Variants in ZNF385D observed in about 807,000 individuals in gnomAD.
ZNF385D encodes the protein zinc finger protein 385D, also known as zinc finger protein 659.
Under a neutral mutation model 35.8 loss-of-function variants are expected in ZNF385D, and 15 were observed. The ratio of observed to expected loss-of-function variants is 0.42; its 90% CI spans 0.28 to 0.64. ZNF385D has a LOEUF of 0.64. Ranked by LOEUF, ZNF385D falls within the 30% of genes least tolerant of loss-of-function variation. The probability of loss-of-function intolerance (pLI) is 0.23; values close to 1 mark genes in which losing one functional copy is unlikely to be tolerated. For synonymous variants in ZNF385D, 212 were observed against 186.8 expected, an observed-to-expected ratio of 1.13 and a Z score of -1.10; for missense variants, 474 against 494.6, an observed-to-expected ratio of 0.96 and a Z score of 0.39.
intron 2 of ZNF385D, among the ~76,000 whole-genome samples, chr3:22,260,344 T>C (rs1486791094): frequency 6.6e-6 from 1 of 151,782 alleles, no homozygotes; most frequent in African/African-American, 2.4e-5. Flanking sequence ...CCAGGGCCTG[T>C]TGGCAGGTGG....
intron 2 of ZNF385D, among the ~76,000 whole-genome samples, chr3:22,269,040 A>C (rs1701040269): frequency 6.6e-6 from 1 of 151,954 alleles, no homozygotes; most frequent in Non-Finnish European, 1.5e-5. Flanking sequence ...GGAGAAAAGT[A>C]AAGGCCCCAC....
chr3:22,142,915 C>G (rs1704604701), intron 3 of ZNF385D, among the ~76,000 whole-genome samples: 1 of 152,088 alleles, frequency 6.6e-6, no homozygotes, highest in Admixed American at 6.5e-5. Context: ...TCACTATTAA[C>G]AGTCCCAGGA....
intron 2 of ZNF385D, among the ~76,000 whole-genome samples, chr3:22,246,876 G>A (rs972088607): frequency 6.6e-6 from 1 of 152,020 alleles, no homozygotes; most frequent in East Asian, 1.9e-4. Flanking sequence ...AATTCTCAAT[G>A]ATTTTTCAGA....
chr3:21,506,757 T>C (rs1448023696), intron 4 of ZNF385D, among the ~76,000 whole-genome samples: 1 of 152,212 alleles, frequency 6.6e-6, no homozygotes, highest in African/African-American at 2.4e-5. Context: ...TTTTTAAAAA[T>C]ATTACTTTTA....
At chr3:21,688,888 T>G (rs1200933919) in intron 1 of ZNF385D, among the ~76,000 whole-genome samples, 1 of 152,174 alleles carries the variant, frequency 6.6e-6, no homozygotes, top group Non-Finnish European at 1.5e-5. Context: ...GAAATTATTA[T>G]AATGTGCTTG....
chr3:22,014,208 T>A (rs997236076), intron 3 of ZNF385D, among the ~76,000 whole-genome samples: 25 of 136,064 alleles, frequency 1.8e-4, no homozygotes, highest in African/African-American at 6.6e-4. Context: ...GGCTGCTACC[T>A]TTTTTTTTAA....
chr3:21,577,788 G>T (rs1006778943), intron 2 of ZNF385D, among the ~76,000 whole-genome samples: 7 of 149,048 alleles, frequency 4.7e-5, no homozygotes, highest in African/African-American at 1.7e-4. Flanking sequence ...TCATATACTT[G>T]TTGGCCATTT....
rs545021879 is a variant in ZNF385D, at chr3:21,650,724, T to G, written c.165+14162A>C. 2.0e-5 allele frequency among the ~76,000 whole-genome samples: 3 copies of G among 152,270 alleles called. No individual in the cohort carries two copies. The East Asian group carries it at 5.8e-4, about 29-fold the overall frequency. ...CCTCTCACAGATTCTCAACACTTTC[T>G]AATGAAGTTAGAAATCAATGAGTTT... On this transcript the variant is annotated intron_variant, in intron 2 of 7. Transcript: ENST00000281523.
intron 3 of ZNF385D, among the ~76,000 whole-genome samples, chr3:21,910,500 T>C (rs1467437293): frequency 6.6e-6 from 1 of 151,964 alleles, no homozygotes; most frequent in Non-Finnish European, 1.5e-5. Context: ...CAGTAGAATT[T>C]ACTACTTTCA....
intron 3 of ZNF385D, among the ~76,000 whole-genome samples, chr3:21,987,681 T>A (rs377436462): frequency 9.8e-5 from 14 of 143,548 alleles, no homozygotes; most frequent in Non-Finnish European, 1.2e-4. Flanking sequence ...ATCTTTGTGG[T>A]GTTCTCTGTA....
At chr3:21,738,055 C>T (rs1470714783) in intron 1 of ZNF385D, among the ~76,000 whole-genome samples, 1 of 152,230 alleles carries the variant, frequency 6.6e-6, no homozygotes, top group Admixed American at 6.5e-5. Context: ...TGCAGACTTC[C>T]TGAAAGGGAC....
chr3:22,263,823 G>T lies in ZNF385D; in HGVS notation c.107-94788C>A, dbSNP rs533987052. Among the ~76,000 whole-genome samples the T allele has an allele frequency of 4.6e-5, 7 of 152,054 alleles. No individual in the cohort carries two copies. The South Asian group carries it at 8.3e-4, about 18-fold the overall frequency. The stretch of plus-strand genomic sequence containing the variant: ...GAGGGGTGCTCCTGGCATCTAGTGG[G>T]TATTACTAGGTTGCTGCCAAATGCC... On this transcript the variant is annotated intron_variant, in intron 2 of 5. Coordinates refer to the ZNF385D transcript ENST00000494108.
At chr3:21,587,383 C>T (rs995606454) in intron 2 of ZNF385D, among the ~76,000 whole-genome samples, 8 of 152,148 alleles carry the variant, frequency 5.3e-5, no homozygotes, top group African/African-American at 1.9e-4. Flanking sequence ...GAAGGAGAGA[C>T]TGGGGACATT....
upstream of ZNF385D, among the ~76,000 whole-genome samples, chr3:21,752,291 T>C (rs913492654): frequency 1.3e-5 from 2 of 152,180 alleles, no homozygotes; most frequent in African/African-American, 2.4e-5. Context: ...TTTGAACTTA[T>C]AAATTTCTAT....
At position 21,950,974 on chromosome 3, in the gene ZNF385D, T is replaced by A. The variant is rs779636964; in HGVS notation, c.325+217843A>T. Among the ~76,000 whole-genome samples the A allele has an allele frequency of 1.5e-3, 233 of 151,886 alleles. 2 individuals carry two copies. The highest frequency in any genetic ancestry group is 2.0e-3 in the Non-Finnish European group (137 of 68,024). On this transcript the variant is annotated intron_variant, in intron 3 of 5. Coordinates refer to the ZNF385D transcript ENST00000494108. ...CCTTGTAGTATAGTTGGAAGTCAGGTAGCATGATGCCTCCAGCTTTGTTCT... is the reference window on the plus strand; with the variant it reads ...CCTTGTAGTATAGTTGGAAGTCAGGAAGCATGATGCCTCCAGCTTTGTTCT...
At chr3:21,740,687 G>A (rs2069471268) in intron 1 of ZNF385D, among the ~76,000 whole-genome samples, 1 of 152,102 alleles carries the variant, frequency 6.6e-6, no homozygotes, top group Non-Finnish European at 1.5e-5. Flanking sequence ...AAGAACCCAG[G>A]CTTTGAACTC....
intron 3 of ZNF385D, among the ~76,000 whole-genome samples, chr3:21,827,586 G>A (rs1364979715): frequency 1.3e-5 from 2 of 152,134 alleles, no homozygotes; most frequent in Non-Finnish European, 2.9e-5. Context: ...TCACATACCA[G>A]CTAGTTCATG....
At chr3:21,913,549 A>G (rs1007223153) in intron 3 of ZNF385D, among the ~76,000 whole-genome samples, 1 of 152,110 alleles carries the variant, frequency 6.6e-6, no homozygotes, top group Non-Finnish European at 1.5e-5. Flanking sequence ...GATTTCAACA[A>G]ATATTATAGC....
intron 3 of ZNF385D, among the ~76,000 whole-genome samples, chr3:22,011,464 G>A (rs572639355): frequency 6.6e-6 from 1 of 152,054 alleles, no homozygotes; most frequent in East Asian, 1.9e-4. Context: ...TAAGCTCAAG[G>A]CAAGAAGAGA....
Sources: allele counts gnomAD v4.1 joint callset (sites outside exome capture counted in the v4.1 genomes callset), GRCh38; gene constraint gnomAD v4.1.1; transcripts MANE v1.5; gene names NCBI Gene and HGNC (gene_info 2026-07-23, HGNC 2026-07-21).